Variants in LY6S observed in about 807,000 individuals in gnomAD.
The protein encoded by LY6S is lymphocyte antigen 6 family member S, also known as lymphocyte antigen 6S.
chr8:143,055,304 C>A, the LY6S span, among the ~76,000 whole-genome samples: 1 of 152,168 alleles, frequency 6.6e-6, no homozygotes, highest in Non-Finnish European at 1.5e-5. Flanking sequence ...TGGGGCGGAG[C>A]AGGCCCTGGG....
the LY6S span, among the ~76,000 whole-genome samples, chr8:143,073,540 T>C: frequency 1.7e-4 from 21 of 123,606 alleles, 1 homozygote; most frequent in African/African-American, 4.2e-4. Context: ...GTCCTCGGGG[T>C]CCCTGTTTGA....
the LY6S span, among the ~76,000 whole-genome samples, chr8:143,058,419 T>C: frequency 6.6e-6 from 1 of 152,180 alleles, no homozygotes; most frequent in African/African-American, 2.4e-5. Flanking sequence ...CTTCCCTGCC[T>C]GGCAGCTGAG....
the LY6S span, among the ~76,000 whole-genome samples, chr8:143,047,466 G>A: frequency 1.2e-4 from 19 of 152,124 alleles, no homozygotes; most frequent in African/African-American, 4.1e-4. Context: ...TTCTGCTCAT[G>A]AGCCAGGATA....
At chr8:143,065,811 C>CTTTCTTTCTTTCTTTCT in the LY6S span, 2 of 143,664 alleles carry the variant, frequency 1.4e-5, no homozygotes, top group Non-Finnish European at 3.0e-5. Context: ...TTCTTTCTTT[C>CTTTCTTTCTTTCTTTCT]TTTCTTTCTT....
the LY6S span, among the ~76,000 whole-genome samples, chr8:143,063,630 T>C: frequency 6.6e-6 from 1 of 152,228 alleles, no homozygotes; most frequent in Non-Finnish European, 1.5e-5. Context: ...TCCTTTAAAT[T>C]AGGGCAACTG....
At chr8:143,049,458 T>C in the LY6S span, among the ~76,000 whole-genome samples, 3 of 152,324 alleles carry the variant, frequency 2.0e-5, no homozygotes, top group South Asian at 6.2e-4. Flanking sequence ...GAAGTACCCA[T>C]GAGTAGGTAT....
At chr8:143,068,959 G>A in the LY6S span, among the ~76,000 whole-genome samples, 1 of 152,150 alleles carries the variant, frequency 6.6e-6, no homozygotes, top group Non-Finnish European at 1.5e-5. Flanking sequence ...GACCCCAAGG[G>A]TCCTGGGAGT....
At chr8:143,047,091 C>T in the LY6S span, among the ~76,000 whole-genome samples, 236 of 151,998 alleles carry the variant, frequency 1.6e-3, no homozygotes, top group Non-Finnish European at 2.7e-3. Context: ...AGACCAAAGC[C>T]GCCTTTGTAA....
At chr8:143,057,575 G>T in the LY6S span, 2 of 1,268,410 alleles carry the variant, frequency 1.6e-6, no homozygotes, top group Non-Finnish European at 2.3e-6. Flanking sequence ...AACCGTCTCT[G>T]GTTTATCATC....
the LY6S span, among the ~76,000 whole-genome samples, chr8:143,056,134 TC>T: frequency 3.2e-3 from 482 of 150,224 alleles, 3 homozygotes; most frequent in African/African-American, 0.011. Flanking sequence ...TCCTCTTTTT[TC>T]TTTTCTGTTT....
chr8:143,072,820 T>C, the LY6S span, among the ~76,000 whole-genome samples: 80 of 82,274 alleles, frequency 9.7e-4, no homozygotes, highest in Middle Eastern at 0.016. Flanking sequence ...GCCGTCGTCC[T>C]CGGGATTCCT....
chr8:143,070,436 TATATATATTGTATATA>T, the LY6S span, among the ~76,000 whole-genome samples: 3 of 89,480 alleles, frequency 3.4e-5, no homozygotes, highest in African/African-American at 1.4e-4. Flanking sequence ...ATATATATTA[TATATATATTGTATATA>T]TATATATATA....
At chr8:143,049,068 G>A in the LY6S span, 1 of 450,766 alleles carries the variant, frequency 2.2e-6, no homozygotes, top group Non-Finnish European at 4.6e-6. Context: ...ACCCAGGACG[G>A]TGTATGCCAA....
the LY6S span, chr8:143,057,351 G>T: frequency 1.0e-5 from 4 of 385,860 alleles, no homozygotes; most frequent in Non-Finnish European, 2.0e-5. Flanking sequence ...CAGGGTTCAA[G>T]CAATTCTCCT....
the LY6S span, among the ~76,000 whole-genome samples, chr8:143,070,446 G>GTATATATATATATATAATATATATATAAA: frequency 1.0e-4 from 7 of 69,536 alleles, no homozygotes; most frequent in Non-Finnish European, 1.3e-4. Flanking sequence ...TATATATATT[G>GTATATATATATATATAATATATATATAAA]TATATATATA....
At chr8:143,057,376 A>C in the LY6S span, among the ~76,000 whole-genome samples, 5 of 151,766 alleles carry the variant, frequency 3.3e-5, no homozygotes, top group South Asian at 1.0e-3. Context: ...CAGCCTCCTG[A>C]GTAGCTGAGA....
At chr8:143,054,261 G>GCACA in the LY6S span, 1 of 130,472 alleles carries the variant, frequency 7.7e-6, no homozygotes, top group Non-Finnish European at 1.5e-5. Flanking sequence ...CTGAGATGGT[G>GCACA]CCACTGCACT....
chr8:143,046,167 T>A, the LY6S span, among the ~76,000 whole-genome samples: 1 of 152,210 alleles, frequency 6.6e-6, no homozygotes, highest in African/African-American at 2.4e-5. Flanking sequence ...TTACTCTTTA[T>A]ACTAGAATTG....
chr8:143,050,626 A>G, the LY6S span, among the ~76,000 whole-genome samples: 2,609 of 152,156 alleles, frequency 0.017, 77 homozygotes, highest in African/African-American at 0.06. Flanking sequence ...GGTTACTATA[A>G]AAACCTGTGG....
Sources: allele counts gnomAD v4.1 joint callset (sites outside exome capture counted in the v4.1 genomes callset), GRCh38; gene constraint gnomAD v4.1.1; transcripts MANE v1.5; gene names NCBI Gene and HGNC (gene_info 2026-07-23, HGNC 2026-07-21).